Variants in CSMD1 observed in about 807,000 individuals in gnomAD.
CSMD1 encodes CUB and Sushi multiple domains 1.
Under a neutral mutation model 417.5 loss-of-function variants are expected in CSMD1, and 213 were observed. The observed-to-expected ratio is 0.51, with a 90% CI of 0.46 to 0.57. The LOEUF (loss-of-function observed/expected upper bound fraction) is 0.57, where lower values mean the gene tolerates loss of function less well. Ranked by LOEUF, CSMD1 falls within the 20% of genes least tolerant of loss-of-function variation. The probability of loss-of-function intolerance (pLI) is 0.00; values close to 1 mark genes in which losing one functional copy is unlikely to be tolerated. For synonymous variants in CSMD1, 2,862 were observed against 1,736.8 expected (o/e 1.65, Z -16.11); for missense variants, 6,923 against 4,529.7 (o/e 1.53, Z -15.17).
intron 10 of CSMD1, among the ~76,000 whole-genome samples, chr8:3,517,022 A>C (rs1797309376): frequency 6.6e-6 from 1 of 152,210 alleles, no homozygotes; most frequent in African/African-American, 2.4e-5. Context: ...CATGGTGAGC[A>C]AAGGAGCTGG....
rs1797578360 is a variant in CSMD1, at chr8:4,426,680, T to C, written c.303-6615A>G. Reference sequence around the variant, plus strand: ...TTTATAGTAATATTTTATTATATAATATAGTAATATTTTTATTATATAATG... The same window carrying C: ...TTTATAGTAATATTTTATTATATAACATAGTAATATTTTTATTATATAATG... On this transcript the variant is annotated intron_variant, in intron 2 of 69. Transcript: ENST00000635120. Among the ~76,000 whole-genome samples the C allele has an allele frequency of 2.0e-5, 3 of 147,184 alleles. No individual in the cohort carries two copies. In the South Asian group the frequency reaches 6.3e-4, roughly 31 times the overall value.
At chr8:3,778,730 G>A (rs941285104) in intron 5 of CSMD1, among the ~76,000 whole-genome samples, 2 of 152,120 alleles carry the variant, frequency 1.3e-5, no homozygotes, top group African/African-American at 2.4e-5. Context: ...CTTTCTGCAG[G>A]GCCTTTGGAA....
intron 2 of CSMD1, among the ~76,000 whole-genome samples, chr8:4,489,859 T>C (rs1801612351): frequency 6.6e-6 from 1 of 152,042 alleles, no homozygotes; most frequent in South Asian, 2.1e-4. Flanking sequence ...GTAAGCAGGG[T>C]GCCCAGCCAT....
chr8:4,806,146 G>A (rs753654513), intron 1 of CSMD1, among the ~76,000 whole-genome samples: 16 of 152,222 alleles, frequency 1.1e-4, no homozygotes, highest in Middle Eastern at 6.8e-3. Flanking sequence ...AAAGTCTCTA[G>A]GAAGTGATAA....
intron 3 of CSMD1, among the ~76,000 whole-genome samples, chr8:4,282,281 G>A (rs746102228): frequency 6.6e-6 from 1 of 152,116 alleles, no homozygotes; most frequent in Non-Finnish European, 1.5e-5. Flanking sequence ...TCATTTTACA[G>A]ATAGAACTGA....
intron 2 of CSMD1, among the ~76,000 whole-genome samples, chr8:4,503,586 A>T (rs1454039597): frequency 6.6e-6 from 1 of 152,214 alleles, no homozygotes; most frequent in South Asian, 2.1e-4. Context: ...ATATAAAAAT[A>T]AAAATAACTG....
chr8:3,708,968 G>C (rs762450692), intron 6 of CSMD1, among the ~76,000 whole-genome samples: 6 of 152,106 alleles, frequency 3.9e-5, no homozygotes, highest in African/African-American at 7.2e-5. Flanking sequence ...GTGTGGGTGG[G>C]GAGCAAGTAG....
intron 2 of CSMD1, among the ~76,000 whole-genome samples, chr8:4,624,279 A>T (rs950131422): frequency 1.3e-5 from 2 of 152,154 alleles, no homozygotes; most frequent in Non-Finnish European, 2.9e-5. Flanking sequence ...AACACAAGCT[A>T]TAGTAGGGAA....
rs112829656 is a variant in CSMD1, at chr8:3,225,269, T to G, written c.4346-1402A>C. Among the ~76,000 whole-genome samples the G allele has an allele frequency of 3.4e-3, 521 of 152,306 alleles. 5 individuals are homozygous for G. Among genetic ancestry groups the G allele is most frequent in the African/African-American group, 0.011 (464 of 41,558 alleles). ...GTTATACTCTCACAGTCTAACTGAA[T>G]GCAAACTCTGAATGCTATTGTAGAA... On this transcript the variant is annotated intron_variant, in intron 27 of 69. Coordinates refer to ENST00000635120, the MANE Select transcript of CSMD1 (RefSeq NM_033225.6).
chr8:3,423,679 A>G (rs1050999578), intron 12 of CSMD1, among the ~76,000 whole-genome samples: 1 of 152,210 alleles, frequency 6.6e-6, no homozygotes, highest in African/African-American at 2.4e-5. Flanking sequence ...GCTATTATGA[A>G]GAAAGTCTTA....
chr8:3,593,501 C>G (rs899691634), intron 8 of CSMD1, among the ~76,000 whole-genome samples: 2 of 152,120 alleles, frequency 1.3e-5, no homozygotes, highest in Non-Finnish European at 2.9e-5. Flanking sequence ...CTCACTAAGG[C>G]CAAAATGCCC....
At chr8:3,046,610 G>A (rs371149573) in intron 50 of CSMD1, among the ~76,000 whole-genome samples, 49 of 152,110 alleles carry the variant, frequency 3.2e-4, no homozygotes, top group South Asian at 1.7e-3. Context: ...CCTCCACCAC[G>A]GTACAGTGTA....
intron 3 of CSMD1, among the ~76,000 whole-genome samples, chr8:4,246,335 C>T (rs6995424): frequency 6.6e-6 from 1 of 152,042 alleles, no homozygotes; most frequent in African/African-American, 2.4e-5. Flanking sequence ...CATCCACGTC[C>T]TTGCAAAGGA....
intron 7 of CSMD1, among the ~76,000 whole-genome samples, chr8:3,639,559 C>A (rs908387831): frequency 6.6e-6 from 1 of 152,154 alleles, no homozygotes; most frequent in Non-Finnish European, 1.5e-5. Flanking sequence ...GACTTCCTGC[C>A]TCAACCAGAC....
chr8:4,220,023 G>A (rs1714723), intron 3 of CSMD1, among the ~76,000 whole-genome samples: 3 of 152,166 alleles, frequency 2.0e-5, no homozygotes, highest in Non-Finnish European at 4.4e-5. Context: ...GATCTAGGCT[G>A]ACTACAACCT....
At chr8:3,293,616 T>C (rs988280698) in intron 25 of CSMD1, among the ~76,000 whole-genome samples, 1 of 152,226 alleles carries the variant, frequency 6.6e-6, no homozygotes, top group Non-Finnish European at 1.5e-5. Context: ...CTGTTGATTG[T>C]ATTGGCTACT....
chr8:4,660,863 G>A (rs935462094), intron 1 of CSMD1, among the ~76,000 whole-genome samples: 1 of 152,010 alleles, frequency 6.6e-6, no homozygotes, highest in Non-Finnish European at 1.5e-5. Context: ...CATGTTAAAA[G>A]GTACTCAACA....
At chr8:3,155,359 A>ATTTTTTTTTTTTTTTTTTTTT (rs556304192) in intron 39 of CSMD1, among the ~76,000 whole-genome samples, 451 of 43,306 alleles carry the variant, frequency 0.01, 155 homozygotes, top group Non-Finnish European at 0.016. Flanking sequence ...CAAGGCTGGG[A>ATTTTTTTTTTTTTTTTTTTTT]TTTTTTTTTT....
At chr8:3,099,112 T>A (rs1815552065) in intron 46 of CSMD1, among the ~76,000 whole-genome samples, 1 of 151,942 alleles carries the variant, frequency 6.6e-6, no homozygotes, top group Non-Finnish European at 1.5e-5. Context: ...CCAAGCCTCT[T>A]TACATTTCTA....
Sources: allele counts gnomAD v4.1 joint callset (sites outside exome capture counted in the v4.1 genomes callset), GRCh38; gene constraint gnomAD v4.1.1; transcripts MANE v1.5; gene names NCBI Gene and HGNC (gene_info 2026-07-23, HGNC 2026-07-21).